PTPRS: variants seen among roughly 807,000 people sequenced by gnomAD.
The protein encoded by PTPRS is receptor-type tyrosine-protein phosphatase S.
Under a neutral mutation model 215.3 loss-of-function variants are expected in PTPRS, and 63 were observed. That is an observed-to-expected ratio of 0.29 (90% CI 0.24 to 0.36). The LOEUF (loss-of-function observed/expected upper bound fraction) is 0.36. PTPRS is among the 10% of genes least tolerant of loss of function. PTPRS has a pLI of 1.00. For missense variants in PTPRS, 2,258 were observed against 2,825.8 expected (o/e 0.80, Z 4.56); for synonymous variants, 1,404 against 1,191.4 (o/e 1.18, Z -3.68).
chr19:5,231,383 G>A lies in PTPRS; in HGVS notation c.2082C>T (p.Ile694=), dbSNP rs746691789. The A allele has an allele frequency of 6.2e-7, 1 of 1,613,122 alleles. No homozygotes were observed. Among genetic ancestry groups the A allele is most frequent in the Non-Finnish European group, 8.5e-7 (1 of 1,179,928 alleles). ...CCACCTCTGTGTGAGCGACAGTCGT[G>A]ATGCGGTACTGGGTCCACTTCTCCA... The part of the protein sequence containing the change: ...EALEKWTQYR[I]TTVAHTEVGP... Residue 694 remains isoleucine (I), a synonymous_variant, in exon 14 of 38, where the codon ATC becomes ATT. Coordinates refer to ENST00000262963, the MANE Select transcript of PTPRS (RefSeq NM_002850.4).
rs562044851 is a variant in PTPRS, at chr19:5,290,237, G to A, written c.-94-4003C>T. Among the ~76,000 whole-genome samples the A allele has an allele frequency of 5.9e-5, 9 of 152,350 alleles. No individual in the cohort carries two copies. The South Asian group carries it at 1.9e-3, about 32-fold the overall frequency. On this transcript the variant is annotated intron_variant, in intron 1 of 37. Transcript: ENST00000262963. ...CAGAGGCAGGCGCTTGACTTTTACA[G>A]ATGAGGAAACTGAGGCTCACAGAAA... is the stretch of plus-strand genomic sequence containing the variant.
rs2049420423 is a variant in PTPRS at position 5,304,689 on chromosome 19, G to A, written c.-94-18455C>T. Among the ~76,000 whole-genome samples, 4 of 152,026 alleles carry A rather than the reference G, an allele frequency of 2.6e-5. No homozygotes were observed. In the South Asian group the frequency reaches 8.3e-4, roughly 32 times the overall value. Reference sequence around the variant, plus strand: ...AACAAAAAGAGATCAGGGCTGTAATGGGGGATGTCGCAAGGCTTCCAGGAA... The same window carrying A: ...AACAAAAAGAGATCAGGGCTGTAATAGGGGATGTCGCAAGGCTTCCAGGAA... On this transcript the variant is annotated intron_variant, in intron 1 of 37. Coordinates refer to ENST00000262963, the MANE Select transcript of PTPRS (RefSeq NM_002850.4).
intron 1 of PTPRS, among the ~76,000 whole-genome samples, chr19:5,306,559 A>G (rs373048308): frequency 2.0e-5 from 3 of 152,266 alleles, no homozygotes; most frequent in South Asian, 2.1e-4. Context: ...CGCCTGTGGT[A>G]GGATCTTCCG....
rs760436118 is a variant in PTPRS at position 5,223,160 on chromosome 19, G to C, written c.2632C>G (p.Leu878Val). 1.9e-6 allele frequency: 3 copies of C among 1,568,752 alleles called. No individual in the cohort carries two copies. In the African/African-American group the frequency reaches 4.1e-5, roughly 21 times the overall value. ...LQFGREDSTPLATLEFPPSED... is the reference protein window; with the variant it reads ...LQFGREDSTPVATLEFPPSED... ...GAGGGCGGGAACTCCAGGGTGGCCA[G>C]GGGCGTCGAGTCCTCACGGCCAAAC... is the stretch of plus-strand genomic sequence containing the variant. The change falls in exon 18 of 38, where the codon CTG becomes GTG. Residue 878 changes from leucine (L) to valine (V), a missense_variant. Physicochemically the swap from Leu to Val is conservative, Grantham distance 32. This residue lies in a region of PTPRS where 361 missense variants were observed against 332.6 expected (regional missense o/e 1.09). Transcript: ENST00000262963.
At chr19:5,309,123 G>T (rs1334426191) in intron 1 of PTPRS, among the ~76,000 whole-genome samples, 1 of 152,166 alleles carries the variant, frequency 6.6e-6, no homozygotes, top group Admixed American at 6.5e-5. Flanking sequence ...AACTGGAGCT[G>T]GCAGCTCCGG....
chr19:5,332,130 A>ATT (rs34525422), intron 1 of PTPRS, among the ~76,000 whole-genome samples: 14 of 145,172 alleles, frequency 9.6e-5, no homozygotes, highest in Admixed American at 1.4e-4. Context: ...AAATAGGGCA[A>ATT]TTTTTTTTTT....
At chr19:5,235,573 T>A (rs1281831214) in intron 13 of PTPRS, among the ~76,000 whole-genome samples, 1 of 152,234 alleles carries the variant, frequency 6.6e-6, no homozygotes, top group Non-Finnish European at 1.5e-5. Flanking sequence ...ACTTACTGTA[T>A]GTCAGCCATT....
chr19:5,211,440 A>G, intron 33 of PTPRS, 150 bp downstream of exon 33: 1 of 718,204 alleles, frequency 1.4e-6, no homozygotes, highest in South Asian at 2.4e-5. Flanking sequence ...GACAGCAGCC[A>G]TCAGTTAAAT....
intron 19 of PTPRS, 127 bp from the exon 20 acceptor site, chr19:5,221,380 C>CT: frequency 8.0e-7 from 1 of 1,246,260 alleles, no homozygotes. Context: ...AGGCAGAAAT[C>CT]TAACACTGAC....
chr19:5,267,516 G>A (rs577373408), intron 4 of PTPRS, among the ~76,000 whole-genome samples: 2 of 152,012 alleles, frequency 1.3e-5, no homozygotes, highest in African/African-American at 4.8e-5. Context: ...AATTAGCCAG[G>A]CATGGTGGCG....
intron 1 of PTPRS, among the ~76,000 whole-genome samples, chr19:5,334,862 G>A (rs375842311): frequency 6.6e-6 from 1 of 152,198 alleles, no homozygotes; most frequent in African/African-American, 2.4e-5. Context: ...GCTGACAGGG[G>A]ACGGCAGGTT....
At chr19:5,246,932 A>G (rs963821658) in intron 9 of PTPRS, among the ~76,000 whole-genome samples, 1 of 152,064 alleles carries the variant, frequency 6.6e-6, no homozygotes, top group African/African-American at 2.4e-5. Flanking sequence ...AGACAGAGAG[A>G]GAAAGGAGGG....
At chr19:5,296,033 G>A (rs1302220345) in intron 1 of PTPRS, among the ~76,000 whole-genome samples, 1 of 152,158 alleles carries the variant, frequency 6.6e-6, no homozygotes, top group East Asian at 1.9e-4. Flanking sequence ...TGGGATCACA[G>A]ACATGAGCCC....
intron 1 of PTPRS, among the ~76,000 whole-genome samples, chr19:5,317,367 G>T (rs1020224981): frequency 6.6e-6 from 1 of 152,214 alleles, no homozygotes; most frequent in Admixed American, 6.5e-5. Flanking sequence ...AACTACTCGG[G>T]AGGCTGAGGC....
intron 16 of PTPRS, among the ~76,000 whole-genome samples, chr19:5,227,434 CATAGAGTTTCGCTCTTGT>C (rs1197448822): frequency 7.3e-6 from 1 of 136,752 alleles, no homozygotes; most frequent in East Asian, 2.2e-4. Context: ...TTTTTTTGGA[CATAGAGTTTCGCTCTTGT>C]TGCCCAGGCT....
chr19:5,303,605 G>C (rs959426301), intron 1 of PTPRS, among the ~76,000 whole-genome samples: 1 of 151,960 alleles, frequency 6.6e-6, no homozygotes, highest in Non-Finnish European at 1.5e-5. Context: ...TGCAGAGAGG[G>C]GGGCTGGTCC....
In PTPRS at chr19:5,212,465, G is replaced by T; in HGVS notation, c.4641C>A (p.Val1547=). ...GCCACGCCGTAAACTGGAACTGGCG[G>T]ACCTCGCGTTTCTCACTGGAGCCAT... ...HKNGSSEKRE[V]RQFQFTAWPD... is the part of the protein sequence containing the mutation. The change falls in exon 31 of 38, where the codon GTC becomes GTA. Residue 1547 remains valine (V), a synonymous_variant. Transcript: ENST00000262963. 1 of 1,597,364 alleles carries T rather than the reference G, an allele frequency of 6.3e-7. No homozygotes were observed. The highest frequency in any genetic ancestry group is 8.5e-7 in the Non-Finnish European group (1 of 1,171,848).
At chr19:5,261,488 G>A (rs896577648) in intron 6 of PTPRS, among the ~76,000 whole-genome samples, 5 of 152,270 alleles carry the variant, frequency 3.3e-5, no homozygotes, top group African/African-American at 1.2e-4. Flanking sequence ...AGGAAAAGGC[G>A]GCTCGGGGCT....
rs1416785554 is a variant in PTPRS at position 5,237,406 on chromosome 19, C to A, written c.1849+1513G>T. Among the ~76,000 whole-genome samples, 1 of 152,248 alleles carries A rather than the reference C, an allele frequency of 6.6e-6. No homozygotes were observed. The highest frequency in any genetic ancestry group is 6.5e-5 in the Admixed American group (1 of 15,290). ...CTCCCCAACTCCCTGTCCTGGGCCG[C>A]CCCGGAGGTTCGCGTGGCTGGGCCG... On this transcript the variant is annotated intron_variant, in intron 13 of 37. Coordinates refer to ENST00000262963, the MANE Select transcript of PTPRS (RefSeq NM_002850.4). This position sits in a 1 kb window ranked among gnomAD's most constrained non-coding sequence, Gnocchi z 4.2.
Sources: gnomAD v4.1 joint callset for allele counts (sites outside exome capture counted in the v4.1 genomes callset) on GRCh38, gnomAD v4.1.1 for gene constraint, gnomAD v4.1.1 regional missense constraint, Gnocchi (gnomAD v3.1) non-coding constraint, MANE v1.5 for transcripts, NCBI Gene and HGNC (gene_info 2026-07-23, HGNC 2026-07-21) for gene names.